OPRM1: variants seen among roughly 807,000 people sequenced by gnomAD.
The protein encoded by OPRM1 is mu-type opioid receptor.
In OPRM1, 27 loss-of-function variants were observed where a neutral mutation model predicts 31.8. The observed-to-expected ratio is 0.85, with a 90% CI of 0.63 to 1.17. The LOEUF is 1.17. OPRM1 is among the 50% of genes most tolerant of loss of function. OPRM1 has a pLI of 0.00. For missense variants in OPRM1, 536 were observed against 511.1 expected (o/e 1.05, Z -0.47); for synonymous variants, 196 against 189.9 (o/e 1.03, Z -0.26).
chr6:154,092,197 A>G (rs1431086822), intron 3 of OPRM1, among the ~76,000 whole-genome samples: 1 of 152,168 alleles, frequency 6.6e-6, no homozygotes, highest in Non-Finnish European at 1.5e-5. Flanking sequence ...GCCCAGACCT[A>G]CACAGAAAAT....
At chr6:154,110,325 G>C (rs960132612) in intron 3 of OPRM1, 2 of 1,106,782 alleles carry the variant, frequency 1.8e-6, no homozygotes, top group East Asian at 2.6e-5. Flanking sequence ...TTGGTACATT[G>C]TTCTGTTTTT....
intron 3 of OPRM1, among the ~76,000 whole-genome samples, chr6:154,151,240 C>T (rs533173164): frequency 9.2e-5 from 14 of 152,204 alleles, no homozygotes; most frequent in East Asian, 5.8e-4. Flanking sequence ...GTCTTGGGAC[C>T]GTGATTTATT....
Position 154,039,781 on chromosome 6 carries a change from C to T in OPRM1, c.237C>T (p.Ile79=), listed in dbSNP as rs754904430. The T allele has an allele frequency of 2.5e-6, 4 of 1,601,598 alleles. No individual in the cohort carries two copies. In the East Asian group the frequency reaches 8.9e-5, roughly 36 times the overall value. ...TAITIMALYS[I]VCVVGLFGNF... ...TCACGATCATGGCCCTCTACTCCAT[C>T]GTGTGCGTGGTGGGGCTCTTCGGAA... The change falls in exon 1 of 4, where the codon ATC becomes ATT. Residue 79 remains isoleucine (I), a synonymous_variant. Transcript: ENST00000330432.
intron 3 of OPRM1, among the ~76,000 whole-genome samples, chr6:154,100,803 C>T (rs1015181374): frequency 8.0e-5 from 12 of 150,772 alleles, no homozygotes; most frequent in African/African-American, 2.9e-4. Flanking sequence ...CAATCCCTAC[C>T]TAGGTTCTTT....
chr6:154,226,966 G>T (rs1779300859), intron 3 of OPRM1, among the ~76,000 whole-genome samples: 1 of 152,170 alleles, frequency 6.6e-6, no homozygotes, highest in South Asian at 2.1e-4. Flanking sequence ...GGAGGCCAAG[G>T]TGGGCGGATC....
At chr6:154,183,451 A>G (rs1212343626) in intron 3 of OPRM1, among the ~76,000 whole-genome samples, 1 of 152,252 alleles carries the variant, frequency 6.6e-6, no homozygotes, top group Non-Finnish European at 1.5e-5. Flanking sequence ...ATTTGAGAAC[A>G]TTTTGACCAA....
At chr6:154,070,469 T>C (rs1337522012) in intron 1 of OPRM1, among the ~76,000 whole-genome samples, 1 of 152,246 alleles carries the variant, frequency 6.6e-6, no homozygotes, top group African/African-American at 2.4e-5. Flanking sequence ...GAGGTGCATC[T>C]TGAAAGGCTG....
chr6:154,195,147 CTTTTT>C (rs10719288), intron 3 of OPRM1, among the ~76,000 whole-genome samples: 1 of 122,898 alleles, frequency 8.1e-6, no homozygotes, highest in Non-Finnish European at 1.7e-5. Context: ...TCTTTTCTTT[CTTTTT>C]TTTTTTTTTT....
intron 1 of OPRM1, among the ~76,000 whole-genome samples, chr6:154,056,097 C>CTCTTTTCTTT (rs10633291): frequency 1.3e-4 from 20 of 151,458 alleles, no homozygotes; most frequent in African/African-American, 2.2e-4. Context: ...AATGATGGAG[C>CTCTTTTCTTT]TCTTTTCTTT....
intron 1 of OPRM1, among the ~76,000 whole-genome samples, chr6:154,080,775 C>T (rs1283245374): frequency 6.6e-6 from 1 of 152,182 alleles, no homozygotes; most frequent in Non-Finnish European, 1.5e-5. Context: ...TCTCCTTTGT[C>T]CCACAACACC....
chr6:154,079,535 C>T (rs1031141087), intron 1 of OPRM1, among the ~76,000 whole-genome samples: 4 of 152,202 alleles, frequency 2.6e-5, no homozygotes, highest in Non-Finnish European at 5.9e-5. Context: ...AGGCTCAAGA[C>T]TCATACACAC....
At chr6:154,029,070 A>C (rs73026605) in intron 1 of OPRM1, among the ~76,000 whole-genome samples, 13,598 of 152,114 alleles carry the variant, frequency 0.089, 1,071 homozygotes, top group African/African-American at 0.21. Context: ...TTATTATCTT[A>C]TTTGGTCTAG....
At chr6:154,110,326 T>C (rs1218685637) in intron 3 of OPRM1, 2 of 1,117,394 alleles carry the variant, frequency 1.8e-6, no homozygotes, top group Non-Finnish European at 2.7e-6. Flanking sequence ...TGGTACATTG[T>C]TCTGTTTTTG....
At chr6:154,169,646 T>C (rs148533351) in intron 3 of OPRM1, among the ~76,000 whole-genome samples, 249 of 152,308 alleles carry the variant, frequency 1.6e-3, no homozygotes, top group African/African-American at 5.6e-3. Context: ...TCATTCCTCA[T>C]CTTGCCACAC....
chr6:154,039,776 TCC>T lies in OPRM1; in HGVS notation c.233_234del (p.Ser78TyrfsTer74). ...GGCCATCACGATCATGGCCCTCTAC[TCC>T]ATCGTGTGCGTGGTGGGGCTCTTCG... ...ITAITIMALY[S>X]IVCVVGLFGN... On this transcript the variant is annotated frameshift_variant, in exon 1 of 4. Coordinates refer to ENST00000330432, the MANE Select transcript of OPRM1 (RefSeq NM_000914.5). LOFTEE classifies it high-confidence loss of function. 1 of 1,602,764 alleles carries T rather than the reference TCC, an allele frequency of 6.2e-7. No individual in the cohort carries two copies. Among genetic ancestry groups the T allele is most frequent in the Non-Finnish European group, 8.5e-7 (1 of 1,179,326 alleles).
At chr6:154,223,287 CT>C in intron 3 of OPRM1, 1 of 1,457,056 alleles carries the variant, frequency 6.9e-7, no homozygotes, top group East Asian at 2.3e-5. Flanking sequence ...TGCATCAATC[CT>C]GGGGATTAGT....
Position 154,121,911 on chromosome 6 carries a change from G to C in OPRM1, c.*3190G>C, listed in dbSNP as rs529993744. On this transcript the variant is annotated 3_prime_UTR_variant, in exon 4 of 4. Coordinates refer to ENST00000330432, the MANE Select transcript of OPRM1 (RefSeq NM_000914.5). Reference sequence around the variant, plus strand: ...ATTAAATGTTTTATCTAAATATGTGGAAATGATAAGATGCGTACTGCATCT... The same window carrying C: ...ATTAAATGTTTTATCTAAATATGTGCAAATGATAAGATGCGTACTGCATCT... 6.6e-6 allele frequency among the ~76,000 whole-genome samples: 1 copy of C among 152,230 alleles called. No homozygotes were observed. Among genetic ancestry groups the C allele is most frequent in the Admixed American group, 6.5e-5 (1 of 15,282 alleles).
At chr6:154,231,991 G>T (rs1779760232) in intron 3 of OPRM1, among the ~76,000 whole-genome samples, 1 of 152,096 alleles carries the variant, frequency 6.6e-6, no homozygotes, top group Non-Finnish European at 1.5e-5. Flanking sequence ...TGGCAAATAG[G>T]CTAAGTAAGG....
intron 3 of OPRM1, among the ~76,000 whole-genome samples, chr6:154,102,839 C>G (rs1363186519): frequency 6.6e-6 from 1 of 151,716 alleles, no homozygotes; most frequent in Non-Finnish European, 1.5e-5. Context: ...GAACCAAACC[C>G]CAGGTGTCCT....
Sources: gnomAD v4.1 joint callset for allele counts (sites outside exome capture counted in the v4.1 genomes callset) on GRCh38, gnomAD v4.1.1 for gene constraint, MANE v1.5 for transcripts, NCBI Gene and HGNC (gene_info 2026-07-23, HGNC 2026-07-21) for gene names.